LSS: variants seen among roughly 807,000 people sequenced by gnomAD.
The protein encoded by LSS is 2,3-epoxysqualene-lanosterol cyclase.
A neutral mutation model predicts 110.3 loss-of-function variants in LSS; 90 were observed. That is an observed-to-expected ratio of 0.82 (90% CI 0.69 to 0.97). The LOEUF (loss-of-function observed/expected upper bound fraction) is 0.97. Ranked by LOEUF, LSS falls within the 50% of genes least tolerant of loss-of-function variation. The pLI, the probability that LSS is intolerant of heterozygous loss-of-function variation, is 0.00. For synonymous variants in LSS, 433 were observed against 400.0 expected, an observed-to-expected ratio of 1.08 and a Z score of -0.98; for missense variants, 927 against 990.0, an observed-to-expected ratio of 0.94 and a Z score of 0.85.
In LSS at chr21:46,213,752, G is replaced by T; in HGVS notation, c.1095C>A (p.Ile365=). ...STAFQEHVSR[I]PDYLWMGLDG... Reference sequence around the variant, plus strand: ...GCCACACTCACCAGAGATAGTCCGGGATTCTGGAGACATGCTCCTGGAAGG... The same window carrying T: ...GCCACACTCACCAGAGATAGTCCGGTATTCTGGAGACATGCTCCTGGAAGG... The change falls in exon 10 of 22, where the codon ATC becomes ATA. Residue 365 remains isoleucine (I), a synonymous_variant. Coordinates refer to ENST00000397728, the MANE Select transcript of LSS (RefSeq NM_002340.6). 2 of 1,613,900 alleles carry T rather than the reference G, an allele frequency of 1.2e-6. No individual in the cohort carries two copies. Among genetic ancestry groups the T allele is most frequent in the Non-Finnish European group, 1.7e-6 (2 of 1,179,876 alleles).
At chr21:46,202,391 C>T (rs1311169766) in intron 17 of LSS, among the ~76,000 whole-genome samples, 7 of 136,548 alleles carry the variant, frequency 5.1e-5, no homozygotes, top group Non-Finnish European at 1.1e-4. Context: ...GAGACTCCGT[C>T]TCAAAAAAAA....
chr21:46,216,300 G>A lies in LSS; in HGVS notation c.783+89C>T. On this transcript the variant is annotated intron_variant, in intron 7 of 21. Coordinates refer to ENST00000397728, the MANE Select transcript of LSS (RefSeq NM_002340.6). This position sits in a 1 kb window ranked among gnomAD's most constrained non-coding sequence, Gnocchi z 4.2. ...TCCGCTCCACAGGGCCACCAGGTGAGTGGACAGGTGTGGTTAGATTCCAGA... is the reference window on the plus strand; with the variant it reads ...TCCGCTCCACAGGGCCACCAGGTGAATGGACAGGTGTGGTTAGATTCCAGA... 1.3e-6 allele frequency: 2 copies of A among 1,538,168 alleles called. No individual in the cohort carries two copies. Among genetic ancestry groups the A allele is most frequent in the South Asian group, 2.2e-5 (2 of 89,098 alleles).
chr21:46,200,331 C>T (rs2079963274), intron 17 of LSS, among the ~76,000 whole-genome samples: 1 of 152,010 alleles, frequency 6.6e-6, no homozygotes, highest in African/African-American at 2.4e-5. Context: ...CTAACACTAA[C>T]AGGTATAAGT....
intron 9 of LSS, 118 bp downstream of exon 9, chr21:46,215,062 T>A (rs2080181681): frequency 2.5e-6 from 2 of 798,474 alleles, no homozygotes; most frequent in African/African-American, 3.4e-5. Context: ...ACCTCCCAAA[T>A]GGAGGTACAC....
rs1048517557 is a variant in LSS, at chr21:46,193,169, A to C, written c.1989-1210T>G. The C allele has an allele frequency of 8.9e-6, 4 of 447,452 alleles. No homozygotes were observed. The Admixed American group carries it at 9.8e-5, about 11-fold the overall frequency. The allele number at this position is 447,452 out of a possible 1,614,324, so 27.7% of individuals were successfully genotyped here. A position where few individuals can be genotyped will look rare whatever the true frequency, so the allele number is the denominator to read the frequency against. ...TAGACCTGTGTGTGCATCTGTCTTC[A>C]TGTACCTATGTCTGTGTGTGGCACA... On this transcript the variant is annotated intron_variant, in intron 20 of 21. Coordinates refer to ENST00000397728, the MANE Select transcript of LSS (RefSeq NM_002340.6).
At position 46,189,212 on chromosome 21, in the gene LSS, ACATTT is replaced by A. The variant is rs1165738900; in HGVS notation, c.*1887_*1891del. 4.5e-6 allele frequency: 1 copy of A among 219,870 alleles called. No individual in the cohort carries two copies. Among genetic ancestry groups the A allele is most frequent in the Non-Finnish European group, 9.2e-6 (1 of 108,388 alleles). 13.6% of individuals were successfully genotyped at this position (219,870 alleles called of 1,614,324 possible). A position where few individuals can be genotyped will look rare whatever the true frequency, so the allele number is the denominator to read the frequency against. On this transcript the variant is annotated 3_prime_UTR_variant, in exon 22 of 22. Coordinates refer to ENST00000397728, the MANE Select transcript of LSS (RefSeq NM_002340.6). ...ACATTTTCAGTATAAAAATGGATTTACATTTCATTTCTGGAAAACCGTTTTGTACA... is the reference window on the plus strand; with the variant it reads ...ACATTTTCAGTATAAAAATGGATTTACATTTCTGGAAAACCGTTTTGTACA...
chr21:46,196,169 C>A, intron 18 of LSS, 33 bp downstream of exon 18: 1 of 1,602,544 alleles, frequency 6.2e-7, no homozygotes. Flanking sequence ...GGATCCCGTG[C>A]ATCTCTGCAC....
chr21:46,209,630 AAG>A lies in LSS; in HGVS notation c.1195-7_1195-6del, dbSNP rs1281774243. The stretch of plus-strand genomic sequence containing the variant: ...GGGCCTGTGGTGCCCGCCCGCCTGG[AAG>A]AGACAGCAGGACAGAGAGGCTCAGC... On this transcript the variant is annotated splice_region_variant and splice_polypyrimidine_tract_variant and intron_variant, in intron 12 of 21. Transcript: ENST00000397728. The surrounding 1 kb of genome is among the most constrained non-coding windows in gnomAD (Gnocchi z 4.4). The A allele has an allele frequency of 6.2e-7, 1 of 1,606,782 alleles. No homozygotes were observed. Among genetic ancestry groups the A allele is most frequent in the South Asian group, 1.1e-5 (1 of 89,202 alleles).
Position 46,224,438 on chromosome 21 carries a change from C to T in LSS, c.320-1700G>A, listed in dbSNP as rs147664219. Among the ~76,000 whole-genome samples the T allele has an allele frequency of 8.6e-3, 1,303 of 152,258 alleles. 16 individuals are homozygous for T. The highest frequency in any genetic ancestry group is 0.03 in the African/African-American group (1,246 of 41,542). The stretch of plus-strand genomic sequence containing the variant: ...TGTCTTGCGTCTTTATTTCTACACT[C>T]TCTCATCGCCGCACACAGGGAGAGA... On this transcript the variant is annotated intron_variant, in intron 3 of 21. Coordinates refer to ENST00000397728, the MANE Select transcript of LSS (RefSeq NM_002340.6).
In LSS at chr21:46,221,897, G is replaced by A. The variant is rs757467514; in HGVS notation, c.507C>T (p.Asp169=). The change falls in exon 5 of 22, where the codon GAC becomes GAT. Residue 169 remains aspartate, a synonymous_variant. Transcript: ENST00000397728. Reference sequence around the variant, plus strand: ...TCCGGGCTCGTACCAGGTCAGGATCGTCAGGCCCAACACCCAGAATTCTGA... The same window carrying A: ...TCCGGGCTCGTACCAGGTCAGGATCATCAGGCCCAACACCCAGAATTCTGA... ...VSLRILGVGP[D]DPDLVRARNI... The A allele has an allele frequency of 3.7e-6, 6 of 1,614,106 alleles. No individual in the cohort carries two copies. The highest frequency in any genetic ancestry group is 3.3e-5 in the South Asian group (3 of 91,078).
intron 6 of LSS, among the ~76,000 whole-genome samples, chr21:46,219,031 A>G (rs2080241528): frequency 6.6e-6 from 1 of 152,098 alleles, no homozygotes; most frequent in Non-Finnish European, 1.5e-5. Context: ...GGCCACAGAC[A>G]CTGATCTTTT....
chr21:46,210,934 G>A (rs1341356314), intron 11 of LSS, among the ~76,000 whole-genome samples, 190 bp from the exon 12 acceptor site: 3 of 152,184 alleles, frequency 2.0e-5, no homozygotes, highest in Non-Finnish European at 2.9e-5. Context: ...GAGCCCTGCA[G>A]GCAGACACAC....
rs189748455 is a variant in LSS, at chr21:46,221,863, G to T, written c.541C>A (p.His181Asn). The T allele has an allele frequency of 3.0e-5, 48 of 1,614,110 alleles. No individual in the cohort carries two copies. Among genetic ancestry groups the T allele is most frequent in the Admixed American group, 6.7e-5 (4 of 60,024 alleles). The change falls in exon 5 of 22, where the codon CAC (histidine) becomes AAC (asparagine). Residue 181 changes from histidine to asparagine, a missense_variant. Transcript: ENST00000397728. The part of the protein sequence containing the change: ...PDLVRARNIL[H>N]KKGGAVAIPS... The stretch of plus-strand genomic sequence containing the variant: ...GCTGCACATGCCGTACCTTTCTTGT[G>T]AAGAATGTTCCGGGCTCGTACCAGG...
At chr21:46,218,786 C>T (rs530394337) in intron 6 of LSS, among the ~76,000 whole-genome samples, 1 of 147,940 alleles carries the variant, frequency 6.8e-6, no homozygotes, top group East Asian at 2.0e-4. Flanking sequence ...AATATGGTGG[C>T]ACGATCTCGG....
chr21:46,211,151 A>G (rs1419596109), intron 11 of LSS, among the ~76,000 whole-genome samples: 28 of 151,718 alleles, frequency 1.8e-4, no homozygotes, highest in African/African-American at 4.8e-4. Flanking sequence ...TTTTGAGATG[A>G]AGTCTCGCTC....
chr21:46,213,861 G>C, intron 9 of LSS, 26 bp from the exon 10 acceptor site: 1 of 1,562,460 alleles, frequency 6.4e-7, no homozygotes, highest in South Asian at 1.1e-5. Context: ...CCCTGTCAAG[G>C]CTCCGCTCCA....
Position 46,209,661 on chromosome 21 carries a change from C to G in LSS, c.1195-36G>C, listed in dbSNP as rs775004480. 1 of 1,573,286 alleles carries G rather than the reference C, an allele frequency of 6.4e-7. No individual in the cohort carries two copies. ...CAGCAGGACAGAGAGGCTCAGCTGC[C>G]CTTGCACGGCCAGCATGGCTGCGCT... On this transcript the variant is annotated intron_variant, in intron 12 of 21. Transcript: ENST00000397728. The surrounding 1 kb of genome is among the most constrained non-coding windows in gnomAD (Gnocchi z 4.4).
chr21:46,215,359 C>G, intron 8 of LSS, 61 bp from the exon 9 acceptor site: 3 of 1,168,248 alleles, frequency 2.6e-6, no homozygotes, highest in Non-Finnish European at 3.7e-6. Flanking sequence ...GCCTGGAGCT[C>G]CATGCACTGC....
intron 4 of LSS, 94 bp from the exon 5 acceptor site, chr21:46,222,069 G>A (rs2080286181): frequency 6.8e-7 from 1 of 1,478,208 alleles, no homozygotes; most frequent in Non-Finnish European, 9.3e-7. Context: ...AGAAAACTAA[G>A]AATGCTAAAA....
Sources: gnomAD v4.1 joint callset for allele counts (sites outside exome capture counted in the v4.1 genomes callset) on GRCh38, gnomAD v4.1.1 for gene constraint, Gnocchi (gnomAD v3.1) non-coding constraint, MANE v1.5 for transcripts, NCBI Gene and HGNC (gene_info 2026-07-23, HGNC 2026-07-21) for gene names.